DNAJB6: variants seen among roughly 807,000 people sequenced by gnomAD.
DNAJB6 encodes dnaJ homolog subfamily B member 6.
A neutral mutation model predicts 42.7 loss-of-function variants in DNAJB6; 16 were observed. The observed-to-expected ratio is 0.37, with a 90% CI of 0.25 to 0.57. DNAJB6 has a LOEUF of 0.57. Ranked by LOEUF, DNAJB6 falls within the 20% of genes least tolerant of loss-of-function variation. The probability of loss-of-function intolerance (pLI) is 0.74; values close to 1 mark genes in which losing one functional copy is unlikely to be tolerated. For synonymous variants in DNAJB6, 170 were observed against 163.5 expected, an observed-to-expected ratio of 1.04 and a Z score of -0.30; for missense variants, 347 against 416.8, an observed-to-expected ratio of 0.83 and a Z score of 1.46.
chr7:157,398,515 T>C (rs1212379944), intron 8 of DNAJB6, among the ~76,000 whole-genome samples: 1 of 152,178 alleles, frequency 6.6e-6, no homozygotes, highest in African/African-American at 2.4e-5. Flanking sequence ...TCAGACTCCA[T>C]TTGGGGAAGA....
chr7:157,349,597 C>T (rs1333567583), intron 1 of DNAJB6, among the ~76,000 whole-genome samples: 1 of 151,960 alleles, frequency 6.6e-6, no homozygotes. Flanking sequence ...ATCCTCCCAC[C>T]TCAGCCTCCC....
chr7:157,401,884 G>A (rs559991680), intron 8 of DNAJB6, among the ~76,000 whole-genome samples: 35 of 152,310 alleles, frequency 2.3e-4, no homozygotes, highest in African/African-American at 7.5e-4. Context: ...GCGGGCTGGC[G>A]CCTGCCTTCT....
chr7:157,361,101 T>A (rs1799561561), intron 2 of DNAJB6, among the ~76,000 whole-genome samples: 1 of 152,038 alleles, frequency 6.6e-6, no homozygotes, highest in African/African-American at 2.4e-5. Flanking sequence ...TTTTGTATGG[T>A]CTGTTATTTT....
intron 8 of DNAJB6, among the ~76,000 whole-genome samples, chr7:157,391,853 G>A (rs1021695850): frequency 2.0e-5 from 3 of 152,150 alleles, no homozygotes; most frequent in Non-Finnish European, 2.9e-5. Context: ...TGTAATCCCA[G>A]TGCTCTGGGA....
At chr7:157,408,433 G>T (rs1795849932) in intron 8 of DNAJB6, among the ~76,000 whole-genome samples, 1 of 152,204 alleles carries the variant, frequency 6.6e-6, no homozygotes, top group Non-Finnish European at 1.5e-5. Flanking sequence ...TTAGGATTTT[G>T]TGAGGCTTGC....
chr7:157,342,422 C>T (rs1272429474), intron 1 of DNAJB6, among the ~76,000 whole-genome samples: 4 of 140,798 alleles, frequency 2.8e-5, no homozygotes, highest in Non-Finnish European at 4.5e-5. Flanking sequence ...ACTGCAACCT[C>T]TGCCTCCCAG....
intron 5 of DNAJB6, among the ~76,000 whole-genome samples, chr7:157,377,135 C>T (rs1026464055): frequency 2.6e-5 from 4 of 152,156 alleles, no homozygotes; most frequent in Non-Finnish European, 5.9e-5. Context: ...CCTTTTCAGA[C>T]CTTTAACATG....
intron 5 of DNAJB6, among the ~76,000 whole-genome samples, chr7:157,374,856 C>G (rs1800392263): frequency 6.6e-6 from 1 of 152,102 alleles, no homozygotes; most frequent in South Asian, 2.1e-4. Flanking sequence ...GTGTTGGTCC[C>G]CCTAACAGGT....
At chr7:157,367,634 G>T (rs1799909314) in intron 5 of DNAJB6, 151 bp downstream of exon 5, 1 of 580,700 alleles carries the variant, frequency 1.7e-6, no homozygotes, top group Non-Finnish European at 3.2e-6. Flanking sequence ...CCTGAGGCGG[G>T]CAGATCACCT....
In DNAJB6 at chr7:157,352,350, A is replaced by G. The variant is rs140757857; in HGVS notation, c.-26-6197A>G. On this transcript the variant is annotated intron_variant, in intron 1 of 9. Coordinates refer to ENST00000262177, the MANE Select transcript of DNAJB6 (RefSeq NM_058246.4). ...AATATATACATATATATGTATATAT[A>G]TATAATTTTCTTTTTTACTCCAAGT... 4.6e-3 allele frequency among the ~76,000 whole-genome samples: 703 copies of G among 151,994 alleles called. 6 individuals carry two copies. The highest frequency in any genetic ancestry group is 0.016 in the African/African-American group (680 of 41,460).
chr7:157,369,930 A>G (rs943304023), intron 5 of DNAJB6, among the ~76,000 whole-genome samples: 1 of 149,274 alleles, frequency 6.7e-6, no homozygotes, highest in South Asian at 2.1e-4. Context: ...TAACATTATT[A>G]TTAAACGGGA....
intron 5 of DNAJB6, chr7:157,381,703 C>G (rs561520459): frequency 1.3e-5 from 2 of 151,900 alleles, no homozygotes; most frequent in Admixed American, 1.3e-4. Flanking sequence ...TGCCGAGATT[C>G]ATCAGGTATT....
In DNAJB6 at chr7:157,391,073, C is replaced by T. The variant is rs530739489; in HGVS notation, c.691+5462C>T. Among the ~76,000 whole-genome samples the T allele has an allele frequency of 3.9e-5, 6 of 152,252 alleles. No individual in the cohort carries two copies. The South Asian group carries it at 6.2e-4, about 16-fold the overall frequency. On this transcript the variant is annotated intron_variant, in intron 8 of 9. Coordinates refer to ENST00000262177, the MANE Select transcript of DNAJB6 (RefSeq NM_058246.4). ...CTGGTCTTGAACTCTTGGGCTCGAG[C>T]GCATCACTCACTTTGGCCTCCCAGA...
At chr7:157,350,387 A>C (rs1162830772) in intron 1 of DNAJB6, among the ~76,000 whole-genome samples, 1 of 152,196 alleles carries the variant, frequency 6.6e-6, no homozygotes, top group Non-Finnish European at 1.5e-5. Context: ...AGAGAAATTG[A>C]ACCTGTATCG....
chr7:157,386,923 T>C (rs984802586), intron 8 of DNAJB6, among the ~76,000 whole-genome samples: 1 of 152,188 alleles, frequency 6.6e-6, no homozygotes, highest in Non-Finnish European at 1.5e-5. Flanking sequence ...TCAAGGTCTT[T>C]TGTTTCTCAG....
intron 8 of DNAJB6, chr7:157,385,864 G>A (rs1801031602): frequency 8.8e-7 from 1 of 1,130,292 alleles, no homozygotes; most frequent in Non-Finnish European, 1.2e-6. Flanking sequence ...CTTTAAAATT[G>A]TTGTAAATCT....
In DNAJB6 at chr7:157,367,396, T is replaced by C; in HGVS notation, c.259T>C (p.Phe87Leu). Residue 87 changes from phenylalanine to leucine, a missense_variant, in exon 5 of 10, where the codon TTT becomes CTT. Phe to Leu is a conservative substitution (Grantham distance 22, BLOSUM62 0). Transcript: ENST00000262177. ...GGGGSHFDSP[F>L]EFGFTFRNPD... ...AGGTGGAAGTCATTTTGACAGTCCATTTGAATTTGGCTTCACATTCCGTAA... is the reference window on the plus strand; with the variant it reads ...AGGTGGAAGTCATTTTGACAGTCCACTTGAATTTGGCTTCACATTCCGTAA... 6.2e-7 allele frequency: 1 copy of C among 1,612,796 alleles called. No individual in the cohort carries two copies. Among genetic ancestry groups the C allele is most frequent in the South Asian group, 1.1e-5 (1 of 91,058 alleles).
At chr7:157,361,161 GTTT>G (rs11334356) in intron 2 of DNAJB6, among the ~76,000 whole-genome samples, 2 of 138,906 alleles carry the variant, frequency 1.4e-5, no homozygotes. Context: ...ACTGCTACAC[GTTT>G]TTTTTTTTTT....
intron 8 of DNAJB6, among the ~76,000 whole-genome samples, chr7:157,392,796 C>T (rs1049893965): frequency 6.6e-6 from 1 of 152,164 alleles, no homozygotes; most frequent in African/African-American, 2.4e-5. Flanking sequence ...GTTTTACGGA[C>T]AGCTGTAAAG....
Sources: gnomAD v4.1 joint callset for allele counts (sites outside exome capture counted in the v4.1 genomes callset) on GRCh38, gnomAD v4.1.1 for gene constraint, MANE v1.5 for transcripts, NCBI Gene and HGNC (gene_info 2026-07-23, HGNC 2026-07-21) for gene names.